The following CTNS variants were observed in gnomAD, a reference collection of about 807,000 sequenced individuals.
The protein encoded by CTNS is cystinosin.
Under a neutral mutation model 43.7 loss-of-function variants are expected in CTNS, and 27 were observed. That is an observed-to-expected ratio of 0.62 (90% CI 0.46 to 0.85). The LOEUF (loss-of-function observed/expected upper bound fraction) is 0.85, where lower values mean the gene tolerates loss of function less well. CTNS is among the 40% of genes least tolerant of loss of function. The probability of loss-of-function intolerance (pLI) is 0.00; values close to 1 mark genes in which losing one functional copy is unlikely to be tolerated. For missense variants in CTNS, 457 were observed against 475.4 expected (o/e 0.96, Z 0.36); for synonymous variants, 187 against 190.6 (o/e 0.98, Z 0.16).
At chr17:3,653,395 G>A (rs2076038382) in intron 5 of CTNS, among the ~76,000 whole-genome samples, 1 of 152,120 alleles carries the variant, frequency 6.6e-6, no homozygotes, top group Non-Finnish European at 1.5e-5. Flanking sequence ...ACTGGCAACA[G>A]AGTGAGATTC....
chr17:3,654,720 C>T (rs528147106), intron 5 of CTNS, among the ~76,000 whole-genome samples: 2 of 148,836 alleles, frequency 1.3e-5, no homozygotes, highest in East Asian at 2.0e-4. Flanking sequence ...TCAGGCCAGG[C>T]GCGGTGGCTC....
At chr17:3,658,751 T>C (rs997771099) in intron 10 of CTNS, among the ~76,000 whole-genome samples, 2 of 152,164 alleles carry the variant, frequency 1.3e-5, no homozygotes, top group Non-Finnish European at 2.9e-5. Flanking sequence ...AGCCTCGTGT[T>C]CTGTGAGCTC....
upstream of CTNS, chr17:3,636,585 G>C (rs373260107): frequency 4.3e-6 from 1 of 231,550 alleles, no homozygotes; most frequent in Non-Finnish European, 8.5e-6. Flanking sequence ...TCACGCCGGA[G>C]CCCCGATCTC....
intron 9 of CTNS, 24 bp downstream of exon 9, chr17:3,656,819 C>T: frequency 1.2e-6 from 2 of 1,612,568 alleles, no homozygotes; most frequent in Non-Finnish European, 1.7e-6. Flanking sequence ...TGGCCCCCCA[C>T]AGGCCACCCC....
chr17:3,653,830 C>T (rs991864992), intron 5 of CTNS, among the ~76,000 whole-genome samples: 1 of 151,658 alleles, frequency 6.6e-6, no homozygotes, highest in East Asian at 1.9e-4. Context: ...GAGCTGAGAT[C>T]GCGCCATTGC....
chr17:3,644,277 A>C (rs546291994), intron 3 of CTNS, among the ~76,000 whole-genome samples: 3 of 152,312 alleles, frequency 2.0e-5, no homozygotes, highest in Non-Finnish European at 4.4e-5. Context: ...GGAGGCTCAG[A>C]GAGGGTAAGT....
chr17:3,653,855 A>G (rs1255496179), intron 5 of CTNS, among the ~76,000 whole-genome samples: 1 of 140,994 alleles, frequency 7.1e-6, no homozygotes, highest in African/African-American at 2.5e-5. Flanking sequence ...CAGCCTGGGC[A>G]ACAAGAGCAA....
rs189698861 is a variant in CTNS, at chr17:3,645,512, C to T, written c.62-1932C>T. On this transcript the variant is annotated intron_variant, in intron 3 of 11. Coordinates refer to ENST00000046640, the MANE Select transcript of CTNS (RefSeq NM_004937.3). ...AGACGAGGTTACAGAGGAAGAGAAACTACCAGGTAGGAGTATTGAGGCGGA... is the reference window on the plus strand; with the variant it reads ...AGACGAGGTTACAGAGGAAGAGAAATTACCAGGTAGGAGTATTGAGGCGGA... Among the ~76,000 whole-genome samples, 14 of 152,210 alleles carry T rather than the reference C, an allele frequency of 9.2e-5. No homozygotes were observed. The East Asian group carries it at 1.5e-3, about 17-fold the overall frequency.
In CTNS at chr17:3,655,238, T is replaced by C. The variant is rs1364454714; in HGVS notation, c.347T>C (p.Leu116Pro). 1.2e-6 allele frequency: 2 copies of C among 1,614,212 alleles called. No homozygotes were observed. Among genetic ancestry groups the C allele is most frequent in the Non-Finnish European group, 8.5e-7 (1 of 1,180,036 alleles). ...SNQTGPRIRF[L>P]VIRSSAISII... ...CTTTCCAGCCCGAGGATACGCTTTC[T>C]TGTGATCCGCAGCAGCGCCATTAGC... is the stretch of plus-strand genomic sequence containing the variant. The change falls in exon 7 of 12, where the codon CTT becomes CCT. Residue 116 changes from leucine to proline, a missense_variant. Leu to Pro is a moderately conservative substitution (Grantham distance 98). Coordinates refer to ENST00000046640, the MANE Select transcript of CTNS (RefSeq NM_004937.3).
At chr17:3,638,838 C>T (rs1486883034) in intron 2 of CTNS, among the ~76,000 whole-genome samples, 2 of 152,168 alleles carry the variant, frequency 1.3e-5, no homozygotes, top group East Asian at 1.9e-4. Context: ...AGGGCAATTC[C>T]TCCAAGGTCA....
intron 7 of CTNS, chr17:3,655,653 C>T (rs1297134008): frequency 3.3e-5 from 14 of 426,182 alleles, no homozygotes; most frequent in Admixed American, 2.8e-4. Flanking sequence ...ATCTCCTCTG[C>T]GCTGGGTCCA....
At chr17:3,656,459 C>T in intron 7 of CTNS, 28 bp from the exon 8 acceptor site, 1 of 1,480,206 alleles carries the variant, frequency 6.8e-7, no homozygotes, top group Non-Finnish European at 9.0e-7. Flanking sequence ...TCACCCCCTG[C>T]CCTGTCTTGT....
rs764063960 is a variant in CTNS at position 3,656,656 on chromosome 17, T to A, written c.562-20T>A. On this transcript the variant is annotated intron_variant, in intron 8 of 11. Coordinates refer to ENST00000046640, the MANE Select transcript of CTNS (RefSeq NM_004937.3). The stretch of plus-strand genomic sequence containing the variant: ...GCCCGGCTGCCCCTCACCACCCAGC[T>A]TCTCCCACCCACCAAACAGGAGCAG... 6.2e-7 allele frequency: 1 copy of A among 1,612,892 alleles called. No homozygotes were observed. Among genetic ancestry groups the A allele is most frequent in the Non-Finnish European group, 8.5e-7 (1 of 1,179,850 alleles).
At chr17:3,653,448 A>G (rs1300757315) in intron 5 of CTNS, among the ~76,000 whole-genome samples, 1 of 152,190 alleles carries the variant, frequency 6.6e-6, no homozygotes, top group African/African-American at 2.4e-5. Context: ...CTGCAGTCTA[A>G]TGAGCCAGAT....
rs376042415 is a variant in CTNS, at chr17:3,655,072, T to A, written c.300T>A (p.Tyr100Ter). 2 of 1,614,160 alleles carry A rather than the reference T, an allele frequency of 1.2e-6. No homozygotes were observed. The highest frequency in any genetic ancestry group is 4.5e-5 in the East Asian group (2 of 44,880). Residue 100 changes from tyrosine (Y) to a stop codon, truncating the protein, a stop_gained, in exon 6 of 12, where the codon TAT becomes TAA. Coordinates refer to ENST00000046640, the MANE Select transcript of CTNS (RefSeq NM_004937.3). LOFTEE classifies it high-confidence loss of function. ...AAAATGTTGGACAACTTACTGTTTA[T>A]CTACATGGAAATCACTCCAATCAGA... ...TSQNVGQLTV[Y>*]LHGNHSNQTG...
chr17:3,650,024 G>A (rs1284901618), intron 5 of CTNS: 25 of 1,266,890 alleles, frequency 2.0e-5, no homozygotes, highest in Middle Eastern at 2.8e-4. Flanking sequence ...ACTCACGTTC[G>A]TAACAACAAC....
At chr17:3,657,364 GC>G (rs2076174517) in intron 9 of CTNS, among the ~76,000 whole-genome samples, 2 of 152,334 alleles carry the variant, frequency 1.3e-5, no homozygotes, top group South Asian at 4.1e-4. Flanking sequence ...TGTCGGCAGG[GC>G]AGGGCCCCAC....
chr17:3,642,009 G>A (rs1352206896), intron 3 of CTNS, among the ~76,000 whole-genome samples: 1 of 151,784 alleles, frequency 6.6e-6, no homozygotes, highest in Non-Finnish European at 1.5e-5. Flanking sequence ...GCGTGTGCCT[G>A]GGAGTGTGCG....
At chr17:3,657,709 T>A (rs1340765539) in intron 9 of CTNS, 1 of 490,838 alleles carries the variant, frequency 2.0e-6, no homozygotes, top group African/African-American at 1.9e-5. Context: ...TTCTGCCAAG[T>A]AGGAACAAAG....
Sources: allele counts gnomAD v4.1 joint callset (sites outside exome capture counted in the v4.1 genomes callset), GRCh38; gene constraint gnomAD v4.1.1; transcripts MANE v1.5; gene names NCBI Gene and HGNC (gene_info 2026-07-23, HGNC 2026-07-21).